The following PDS5A variants were observed in gnomAD, a reference collection of about 807,000 sequenced individuals.
PDS5A encodes the protein sister chromatid cohesion protein PDS5 homolog A.
A neutral mutation model predicts 167.1 loss-of-function variants in PDS5A; 42 were observed. That is an observed-to-expected ratio of 0.25 (90% CI 0.20 to 0.33). The LOEUF (loss-of-function observed/expected upper bound fraction) is 0.33, where lower values mean the gene tolerates loss of function less well. Ranked by LOEUF, PDS5A falls within the 10% of genes least tolerant of loss-of-function variation. PDS5A has a pLI of 1.00. For missense variants in PDS5A, 1,033 were observed against 1,605.9 expected, an observed-to-expected ratio of 0.64 and a Z score of 6.10; for synonymous variants, 553 against 554.6, an observed-to-expected ratio of 1.00 and a Z score of 0.04.
At chr4:39,931,150 C>T (rs1461237764) in intron 2 of PDS5A, among the ~76,000 whole-genome samples, 2 of 151,980 alleles carry the variant, frequency 1.3e-5, no homozygotes, top group African/African-American at 2.4e-5. Context: ...AGTACAGTGG[C>T]GCAATCTCAG....
intron 2 of PDS5A, among the ~76,000 whole-genome samples, chr4:39,936,543 T>G (rs573562205): frequency 3.3e-5 from 5 of 152,292 alleles, no homozygotes; most frequent in African/African-American, 7.2e-5. Flanking sequence ...CAAGTGATTC[T>G]CATGCCTCAG....
At position 39,877,158 on chromosome 4, in the gene PDS5A, A is replaced by C. The variant is rs753677343; in HGVS notation, c.1993-5T>G. On this transcript the variant is annotated splice_region_variant and splice_polypyrimidine_tract_variant and intron_variant, in intron 18 of 32. Transcript: ENST00000303538. Reference sequence around the variant, plus strand: ...AGGATGTGTAAAAGACAGAACCTGAAAAAACAGATACAGCTTTAGAAGTAC... The same window carrying C: ...AGGATGTGTAAAAGACAGAACCTGACAAAACAGATACAGCTTTAGAAGTAC... The C allele has an allele frequency of 5.2e-6, 8 of 1,538,560 alleles. No homozygotes were observed. In the South Asian group the frequency reaches 1.0e-4, roughly 19 times the overall value.
intron 9 of PDS5A, among the ~76,000 whole-genome samples, chr4:39,912,641 T>C (rs28634420): frequency 2.0e-4 from 31 of 152,310 alleles, no homozygotes; most frequent in Middle Eastern, 3.4e-3. Flanking sequence ...ACTGAATCAG[T>C]TGAACTAAAA....
At chr4:39,859,669 A>G (rs180799375) in intron 26 of PDS5A, among the ~76,000 whole-genome samples, 4 of 152,300 alleles carry the variant, frequency 2.6e-5, no homozygotes, top group South Asian at 2.1e-4. Flanking sequence ...CTGGTCTCCT[A>G]AACTGTCAGA....
Position 39,906,917 on chromosome 4 carries a change from T to TAAAATAAAAAAA in PDS5A, c.1233+1477_1233+1478insTTTTTTTATTTT, listed in dbSNP as rs1320189136. Among the ~76,000 whole-genome samples the TAAAATAAAAAAA allele has an allele frequency of 1.1e-4, 6 of 54,026 alleles. 1 individual carries two copies. The highest frequency in any genetic ancestry group is 3.1e-4 in the African/African-American group (5 of 16,228). The allele number at this position is 54,026 out of a possible 152,430, so 35.4% of individuals were successfully genotyped here. ...CAAAAGCCTTTTGAGATTTCTTACA[T>TAAAATAAAAAAA]AAAAAAAAAAAAAAAAAAAAAAAAA... On this transcript the variant is annotated intron_variant, in intron 11 of 32. Coordinates refer to ENST00000303538, the MANE Select transcript of PDS5A (RefSeq NM_001100399.2).
At chr4:39,885,694 C>G (rs1285541452) in intron 17 of PDS5A, among the ~76,000 whole-genome samples, 3 of 152,050 alleles carry the variant, frequency 2.0e-5, no homozygotes, top group Admixed American at 6.6e-5. Flanking sequence ...GTGGGTGGAT[C>G]GCTTAGGTCC....
At chr4:39,898,054 A>AT in intron 16 of PDS5A, 1 of 1,012,158 alleles carries the variant, frequency 9.9e-7, no homozygotes, top group South Asian at 4.7e-5. Flanking sequence ...GATTATTTCC[A>AT]TTCTAATACA....
At chr4:39,942,573 T>C (rs1002005842) in intron 2 of PDS5A, among the ~76,000 whole-genome samples, 10 of 152,072 alleles carry the variant, frequency 6.6e-5, no homozygotes, top group African/African-American at 2.2e-4. Context: ...ACTAAAGTCA[T>C]GCACCACCAC....
At chr4:39,902,609 G>C (rs1722977764) in intron 12 of PDS5A, 149 bp from the exon 13 acceptor site, 1 of 498,988 alleles carries the variant, frequency 2.0e-6, no homozygotes. Context: ...TGCAACCTCT[G>C]TCTCGCAGGT....
In PDS5A at chr4:39,879,594, A is replaced by T. The variant is rs1339185872; in HGVS notation, c.1992+134T>A. On this transcript the variant is annotated intron_variant, in intron 18 of 32. Transcript: ENST00000303538. Reference sequence around the variant, plus strand: ...GTTGTAAAAACATTACTTTTACATCATCTAATTTCCAACACAAGTTTTAAA... The same window carrying T: ...GTTGTAAAAACATTACTTTTACATCTTCTAATTTCCAACACAAGTTTTAAA... 9.3e-6 allele frequency: 5 copies of T among 537,916 alleles called. No individual in the cohort carries two copies. In the African/African-American group the frequency reaches 9.4e-5, roughly 10 times the overall value. 33.3% of individuals were successfully genotyped at this position (537,916 alleles called of 1,614,324 possible). A position where few individuals can be genotyped will look rare whatever the true frequency, so the allele number is the denominator to read the frequency against.
At chr4:39,933,881 A>G (rs970572978) in intron 2 of PDS5A, among the ~76,000 whole-genome samples, 1 of 152,224 alleles carries the variant, frequency 6.6e-6, no homozygotes, top group Admixed American at 6.5e-5. Flanking sequence ...CATCAGAGGC[A>G]CTTATTCAAG....
At chr4:39,943,123 T>TACACACAC (rs35361618) in intron 2 of PDS5A, among the ~76,000 whole-genome samples, 30 of 144,932 alleles carry the variant, frequency 2.1e-4, no homozygotes, top group East Asian at 4.0e-4. Flanking sequence ...ACTATGCAAA[T>TACACACAC]ACACACACAC....
chr4:39,899,400 G>A (rs570835573), intron 14 of PDS5A, among the ~76,000 whole-genome samples: 2 of 152,146 alleles, frequency 1.3e-5, no homozygotes, highest in East Asian at 1.9e-4. Flanking sequence ...GCCCCCATGA[G>A]CTACCTGTTT....
intron 11 of PDS5A, among the ~76,000 whole-genome samples, chr4:39,906,927 A>AAC (rs1553899891): frequency 2.7e-5 from 4 of 148,816 alleles, no homozygotes; most frequent in African/African-American, 7.4e-5. Context: ...TAAAAAAAAA[A>AAC]AAAAAAAAAA....
chr4:39,917,084 T>C lies in PDS5A; in HGVS notation c.840A>G (p.Leu280=). 6.5e-7 allele frequency: 1 copy of C among 1,546,888 alleles called. No individual in the cohort carries two copies. The highest frequency in any genetic ancestry group is 8.7e-7 in the Non-Finnish European group (1 of 1,149,652). The part of the protein sequence containing the change: ...QELFAIDPHL[L]LSVMPQLEFK... Reference sequence around the variant, plus strand: ...ATTCAAGCTGTGGCATGACGGATAATAATAAATGAGGATCTATAGCAAAAA... The same window carrying C: ...ATTCAAGCTGTGGCATGACGGATAACAATAAATGAGGATCTATAGCAAAAA... The change falls in exon 8 of 33, where the codon TTA becomes TTG. Residue 280 remains leucine (L), a synonymous_variant. Coordinates refer to ENST00000303538, the MANE Select transcript of PDS5A (RefSeq NM_001100399.2).
At chr4:39,842,937 A>ATATATATAT (rs1433177642) in intron 30 of PDS5A, among the ~76,000 whole-genome samples, 1 of 139,732 alleles carries the variant, frequency 7.2e-6, no homozygotes, top group Non-Finnish European at 1.5e-5. Context: ...ATATATATAT[A>ATATATATAT]TTTTAAGAGA....
chr4:39,946,542 A>AG (rs1173015069), intron 2 of PDS5A, among the ~76,000 whole-genome samples: 2 of 152,174 alleles, frequency 1.3e-5, no homozygotes, highest in Non-Finnish European at 2.9e-5. Context: ...ACGACTTTTC[A>AG]GCTAGACTGA....
rs193024938 is a variant in PDS5A, at chr4:39,970,484, C to G, written c.138+5956G>C. ...CTGTCCTTTTTCTCCCTACAAAAGA[C>G]CAAACTCACTCTCATTCTCTTCACA... On this transcript the variant is annotated intron_variant, in intron 2 of 32. Transcript: ENST00000303538. Among the ~76,000 whole-genome samples the G allele has an allele frequency of 1.8e-4, 27 of 150,258 alleles. No individual in the cohort carries two copies. In the East Asian group the frequency reaches 4.8e-3, roughly 27 times the overall value.
intron 21 of PDS5A, among the ~76,000 whole-genome samples, chr4:39,869,703 G>A (rs1382113857): frequency 2.6e-5 from 4 of 152,114 alleles, no homozygotes; most frequent in Non-Finnish European, 4.4e-5. Flanking sequence ...ATAGACTAAT[G>A]GAATAGAGAA....
Sources: gnomAD v4.1 joint callset for allele counts (sites outside exome capture counted in the v4.1 genomes callset) on GRCh38, gnomAD v4.1.1 for gene constraint, MANE v1.5 for transcripts, NCBI Gene and HGNC (gene_info 2026-07-23, HGNC 2026-07-21) for gene names.